The following DPP6 variants were observed in gnomAD, a reference collection of about 807,000 sequenced individuals.
DPP6 encodes A-type potassium channel modulatory protein DPP6.
Under a neutral mutation model 122.6 loss-of-function variants are expected in DPP6, and 69 were observed. That is an observed-to-expected ratio of 0.56 (90% CI 0.46 to 0.69). DPP6 has a LOEUF of 0.69. Ranked by LOEUF, DPP6 falls within the 30% of genes least tolerant of loss-of-function variation. The pLI, the probability that DPP6 is intolerant of heterozygous loss-of-function variation, is 0.00. For synonymous variants in DPP6, 418 were observed against 433.1 expected, an observed-to-expected ratio of 0.97 and a Z score of 0.43; for missense variants, 928 against 1,116.9, an observed-to-expected ratio of 0.83 and a Z score of 2.41.
intron 1 of DPP6, among the ~76,000 whole-genome samples, chr7:154,319,414 C>G (rs1807726550): frequency 1.3e-5 from 2 of 152,210 alleles, no homozygotes; most frequent in Non-Finnish European, 1.5e-5. Flanking sequence ...CAACATGAGA[C>G]TGGGCATGGT....
At chr7:154,692,204 T>G (rs995663591) in intron 7 of DPP6, among the ~76,000 whole-genome samples, 2 of 152,208 alleles carry the variant, frequency 1.3e-5, no homozygotes, top group Non-Finnish European at 2.9e-5. Context: ...AATATTTGCA[T>G]AAGTGATGAA....
At chr7:154,055,167 A>AG (rs1491572762) in intron 1 of DPP6, among the ~76,000 whole-genome samples, 2,365 of 145,710 alleles carry the variant, frequency 0.016, 61 homozygotes, top group African/African-American at 0.058. Context: ...TGTACTCCCG[A>AG]TATATATATG....
At chr7:154,254,182 G>C (rs1802521186) in intron 1 of DPP6, among the ~76,000 whole-genome samples, 3 of 152,170 alleles carry the variant, frequency 2.0e-5, no homozygotes. Context: ...TATAGATGAA[G>C]AAATGGGGGT....
chr7:154,172,998 A>G (rs1797614870), intron 1 of DPP6, among the ~76,000 whole-genome samples: 1 of 152,196 alleles, frequency 6.6e-6, no homozygotes, highest in South Asian at 2.1e-4. Flanking sequence ...AATCTGTAAC[A>G]TGAAGGGAAT....
At chr7:154,235,040 T>C (rs947165686) in intron 1 of DPP6, among the ~76,000 whole-genome samples, 1 of 152,242 alleles carries the variant, frequency 6.6e-6, no homozygotes. Flanking sequence ...ATGTAGTTTT[T>C]ACCATACAAT....
the DPP6 span, among the ~76,000 whole-genome samples, chr7:153,875,704 TAAC>T: frequency 2.6e-5 from 4 of 151,950 alleles, no homozygotes; most frequent in Admixed American, 2.6e-4. Context: ...AATTGTTTAA[TAAC>T]AGGCTAATTT....
intron 2 of DPP6, among the ~76,000 whole-genome samples, chr7:154,446,743 C>T (rs1819907669): frequency 6.6e-6 from 1 of 152,136 alleles, no homozygotes; most frequent in African/African-American, 2.4e-5. Context: ...CTGAATATTA[C>T]ATAAAGTATA....
intron 1 of DPP6, among the ~76,000 whole-genome samples, chr7:154,192,888 A>G (rs1373887333): frequency 1.3e-5 from 2 of 152,258 alleles, no homozygotes; most frequent in Non-Finnish European, 2.9e-5. Flanking sequence ...CAGGTGGAAC[A>G]TGTCCCTGTT....
intron 1 of DPP6, among the ~76,000 whole-genome samples, chr7:154,106,117 A>G (rs1433289930): frequency 1.3e-5 from 2 of 151,830 alleles, no homozygotes; most frequent in African/African-American, 2.4e-5. Context: ...GACTCTGCCT[A>G]TGCGCCCTTG....
At chr7:154,473,259 T>C (rs1822446416) in intron 2 of DPP6, among the ~76,000 whole-genome samples, 2 of 152,194 alleles carry the variant, frequency 1.3e-5, no homozygotes, top group Admixed American at 6.5e-5. Context: ...TATGGAAGTG[T>C]GTCATGTTTG....
At chr7:154,293,609 A>G (rs559590945) in intron 1 of DPP6, among the ~76,000 whole-genome samples, 4 of 152,236 alleles carry the variant, frequency 2.6e-5, no homozygotes, top group South Asian at 4.2e-4. Context: ...TGCTGAATTC[A>G]TTTGCATTCT....
chr7:154,026,390 G>A (rs956464859), intron 1 of DPP6: 2 of 151,908 alleles, frequency 1.3e-5, no homozygotes, highest in Non-Finnish European at 2.9e-5. Flanking sequence ...ATTCAGAAAA[G>A]TAAGCTTTTC....
intron 1 of DPP6, among the ~76,000 whole-genome samples, chr7:154,352,466 A>AAAAATAAAAATT (rs1215366236): frequency 6.6e-6 from 1 of 152,156 alleles, no homozygotes; most frequent in Non-Finnish European, 1.5e-5. Context: ...CTGTCTCAAA[A>AAAAATAAAAATT]AAAATAAAAA....
intron 1 of DPP6, among the ~76,000 whole-genome samples, chr7:154,259,831 G>T (rs778513488): frequency 1.3e-5 from 2 of 152,168 alleles, no homozygotes; most frequent in Non-Finnish European, 2.9e-5. Flanking sequence ...TGTGGATTCA[G>T]CTGTGAACAC....
At chr7:154,048,146 CAT>C (rs1800117365), upstream of DPP6, among the ~76,000 whole-genome samples, 1 of 111,762 alleles carries the variant, frequency 8.9e-6, no homozygotes, top group Non-Finnish European at 1.8e-5. Context: ...AATGCAGAGA[CAT>C]GTGCTATTGG....
intron 20 of DPP6, 106 bp from the exon 21 acceptor site, chr7:154,880,782 G>T: frequency 6.3e-7 from 1 of 1,578,418 alleles, no homozygotes. Flanking sequence ...ATTTGAAGAG[G>T]GGTTTTCATC....
chr7:154,269,110 T>C (rs986347352), intron 1 of DPP6, among the ~76,000 whole-genome samples: 2 of 151,128 alleles, frequency 1.3e-5, no homozygotes, highest in African/African-American at 4.9e-5. Context: ...CCCTGTGATA[T>C]CCCATGTGAT....
chr7:154,167,300 C>T (rs1290625535), intron 1 of DPP6, among the ~76,000 whole-genome samples: 1 of 152,172 alleles, frequency 6.6e-6, no homozygotes, highest in Non-Finnish European at 1.5e-5. Context: ...TCATTCTAGG[C>T]TTCAGAGCTT....
intron 1 of DPP6, among the ~76,000 whole-genome samples, chr7:154,160,516 G>T (rs531093881): frequency 1.3e-5 from 2 of 152,312 alleles, no homozygotes; most frequent in East Asian, 1.9e-4. Flanking sequence ...ATCACGGAAA[G>T]TTCAACTCAT....
Sources: gnomAD v4.1 joint callset for allele counts (sites outside exome capture counted in the v4.1 genomes callset) on GRCh38, gnomAD v4.1.1 for gene constraint, MANE v1.5 for transcripts, NCBI Gene and HGNC (gene_info 2026-07-23, HGNC 2026-07-21) for gene names.